Variants in CWC27 observed in about 807,000 individuals in gnomAD.
CWC27 encodes spliceosome-associated protein CWC27 homolog.
Under a neutral mutation model 63.6 loss-of-function variants are expected in CWC27, and 47 were observed. That is an observed-to-expected ratio of 0.74 (90% CI 0.58 to 0.94). The LOEUF (loss-of-function observed/expected upper bound fraction) is 0.94, where lower values mean the gene tolerates loss of function less well. Ranked by LOEUF, CWC27 falls within the 40% of genes least tolerant of loss-of-function variation. CWC27 has a pLI of 0.00. For missense variants in CWC27, 495 were observed against 554.3 expected (o/e 0.89, Z 1.07); for synonymous variants, 175 against 179.8 (o/e 0.97, Z 0.22).
chr5:65,008,570 G>T (rs1481941394), intron 13 of CWC27, among the ~76,000 whole-genome samples: 1 of 152,184 alleles, frequency 6.6e-6, no homozygotes, highest in Non-Finnish European at 1.5e-5. Context: ...AGAAGAAAGT[G>T]CTAGAAGAAA....
At chr5:64,977,477 T>TA (rs1184279937) in intron 13 of CWC27, among the ~76,000 whole-genome samples, 1 of 152,186 alleles carries the variant, frequency 6.6e-6, no homozygotes, top group East Asian at 1.9e-4. Flanking sequence ...TGCTAGTCAG[T>TA]AAAAAATGCA....
At chr5:64,959,211 G>A (rs544185792) in intron 11 of CWC27, among the ~76,000 whole-genome samples, 27 of 151,990 alleles carry the variant, frequency 1.8e-4, no homozygotes, top group African/African-American at 6.3e-4. Context: ...AGCTCCATTG[G>A]ACAAGTTTTC....
intron 7 of CWC27, among the ~76,000 whole-genome samples, chr5:64,792,469 A>G (rs1024028883): frequency 5.3e-5 from 8 of 152,104 alleles, no homozygotes; most frequent in African/African-American, 1.9e-4. Context: ...CTGGATATCC[A>G]AGTCATATTT....
At chr5:64,968,246 T>C (rs987712838) in intron 11 of CWC27, among the ~76,000 whole-genome samples, 2 of 152,046 alleles carry the variant, frequency 1.3e-5, no homozygotes, top group Admixed American at 6.6e-5. Flanking sequence ...TTTGGAGATA[T>C]GGAGCAACTC....
chr5:64,881,412 A>T (rs1746932208), intron 10 of CWC27, among the ~76,000 whole-genome samples: 1 of 152,014 alleles, frequency 6.6e-6, no homozygotes, highest in South Asian at 2.1e-4. Flanking sequence ...TCTTAAAATG[A>T]TGAACAGAGT....
At chr5:64,840,381 AAAAAAAAAAAAAAATATATAT>A (rs1319278821) in intron 10 of CWC27, among the ~76,000 whole-genome samples, 4 of 71,078 alleles carry the variant, frequency 5.6e-5, no homozygotes, top group Admixed American at 2.9e-4. Flanking sequence ...AAAAAAAAAA[AAAAAAAAAAAAAAATATATAT>A]ATATATATAT....
At chr5:64,876,487 A>G (rs149944019) in intron 10 of CWC27, among the ~76,000 whole-genome samples, 53 of 152,244 alleles carry the variant, frequency 3.5e-4, no homozygotes, top group African/African-American at 1.3e-3. Context: ...CCAAGAAACA[A>G]TAGTCTGTAA....
intron 10 of CWC27, among the ~76,000 whole-genome samples, chr5:64,840,319 G>A (rs1309245033): frequency 7.6e-6 from 1 of 132,316 alleles, no homozygotes; most frequent in Admixed American, 8.4e-5. Flanking sequence ...CAGAAAAGAG[G>A]GTTGATTGTT....
chr5:64,953,079 G>T (rs1384953055), intron 11 of CWC27, among the ~76,000 whole-genome samples: 1 of 152,116 alleles, frequency 6.6e-6, no homozygotes, highest in Non-Finnish European at 1.5e-5. Flanking sequence ...GGTTATGGTT[G>T]AATAGAAGAG....
rs541012941 is a variant in CWC27 at position 65,004,160 on chromosome 5, G to A, written c.1257-13999G>A. Among the ~76,000 whole-genome samples, 5 of 152,120 alleles carry A rather than the reference G, an allele frequency of 3.3e-5. No individual in the cohort carries two copies. In the East Asian group the frequency reaches 9.7e-4, roughly 29 times the overall value. On this transcript the variant is annotated intron_variant, in intron 13 of 13. Transcript: ENST00000381070. Reference sequence around the variant, plus strand: ...ATGCCTGGCCTTGTCTTTCACTTTTGACAGTTTGATTATAATGTGGCTTTT... The same window carrying A: ...ATGCCTGGCCTTGTCTTTCACTTTTAACAGTTTGATTATAATGTGGCTTTT...
intron 10 of CWC27, among the ~76,000 whole-genome samples, chr5:64,868,474 C>T (rs886318715): frequency 1.1e-4 from 16 of 152,072 alleles, no homozygotes; most frequent in Admixed American, 8.5e-4. Context: ...CTCAGACTTA[C>T]ATACGTAACA....
rs2112143355 is a variant in CWC27 at position 64,774,724 on chromosome 5, A to C, written c.76A>C (p.Ile26Leu). ...GAAAACTACAGCTGGAGATATTGAC[A>C]TAGAGTTGTGGTCCAAAGAAGCTCC... Reference protein sequence around the residue: ...LLKTTAGDIDIELWSKEAPKA... With the variant: ...LLKTTAGDIDLELWSKEAPKA... Residue 26 changes from isoleucine to leucine, a missense_variant, in exon 2 of 14, where the codon ATA becomes CTA. Around this residue, in one of 3 missense-constraint regions of CWC27, gnomAD observed 463 missense variants for 498.1 expected, o/e 0.93. Transcript: ENST00000381070. 1 of 1,604,144 alleles carries C rather than the reference A, an allele frequency of 6.2e-7. No homozygotes were observed. The highest frequency in any genetic ancestry group is 8.5e-7 in the Non-Finnish European group (1 of 1,175,864).
At chr5:64,910,370 C>A (rs2112377140) in intron 11 of CWC27, among the ~76,000 whole-genome samples, 1 of 152,334 alleles carries the variant, frequency 6.6e-6, no homozygotes, top group African/African-American at 2.4e-5. Context: ...TCGGCCCCTA[C>A]TGGGAGGTGT....
At chr5:64,787,705 T>C (rs924079199) in intron 6 of CWC27, among the ~76,000 whole-genome samples, 1 of 152,130 alleles carries the variant, frequency 6.6e-6, no homozygotes, top group Non-Finnish European at 1.5e-5. Flanking sequence ...TGTCTGTATA[T>C]ACTGCAGAGT....
At position 64,801,339 on chromosome 5, in the gene CWC27, A is replaced by G. The variant is rs1468360503; in HGVS notation, c.780+7A>G. Reference sequence around the variant, plus strand: ...TGCACCAGATTTAGTTGATGTAAGTATTTATTTTGGTATTAATATAGTTTG... The same window carrying G: ...TGCACCAGATTTAGTTGATGTAAGTGTTTATTTTGGTATTAATATAGTTTG... On this transcript the variant is annotated splice_region_variant and intron_variant, in intron 9 of 13. Coordinates refer to ENST00000381070, the MANE Select transcript of CWC27 (RefSeq NM_005869.4). 2.2e-6 allele frequency: 3 copies of G among 1,378,454 alleles called. No individual in the cohort carries two copies. In the African/African-American group the frequency reaches 4.6e-5, roughly 21 times the overall value. 85.4% of individuals were successfully genotyped at this position (1,378,454 alleles called of 1,614,324 possible).
chr5:64,923,178 G>A (rs184373493), intron 11 of CWC27, among the ~76,000 whole-genome samples: 2 of 152,308 alleles, frequency 1.3e-5, no homozygotes, highest in African/African-American at 4.8e-5. Context: ...CAAAAGTGCT[G>A]AGGTGGGGCA....
intron 10 of CWC27, among the ~76,000 whole-genome samples, chr5:64,816,318 T>C (rs1338127505): frequency 6.6e-6 from 1 of 152,144 alleles, no homozygotes; most frequent in African/African-American, 2.4e-5. Flanking sequence ...TCCTCCAACA[T>C]CTATCCTTCC....
intron 11 of CWC27, among the ~76,000 whole-genome samples, chr5:64,924,058 C>A (rs1339351356): frequency 6.6e-6 from 1 of 152,140 alleles, no homozygotes; most frequent in Non-Finnish European, 1.5e-5. Context: ...CATCACTCAC[C>A]ATCTCTTCCT....
intron 11 of CWC27, among the ~76,000 whole-genome samples, chr5:64,901,548 CTAAG>C (rs1445220775): frequency 6.6e-6 from 1 of 151,856 alleles, no homozygotes; most frequent in Non-Finnish European, 1.5e-5. Context: ...GGAAGTCACT[CTAAG>C]TGAGTCAGGG....
Sources: allele counts gnomAD v4.1 joint callset (sites outside exome capture counted in the v4.1 genomes callset), GRCh38; gene constraint gnomAD v4.1.1; regional missense constraint gnomAD v4.1.1; transcripts MANE v1.5; gene names NCBI Gene and HGNC (gene_info 2026-07-23, HGNC 2026-07-21).